The following NBPF20 variants were observed in gnomAD, a reference collection of about 807,000 sequenced individuals.
The protein encoded by NBPF20 is NBPF family member NBPF20.
In NBPF20, 90 loss-of-function variants were observed where a neutral mutation model predicts 68.1. That is an observed-to-expected ratio of 1.32 (90% CI 1.11 to 1.58). NBPF20 has a LOEUF of 1.58. Among genes scored for constraint, NBPF20 ranks in the 40% most tolerant of loss-of-function variants. The probability of loss-of-function intolerance (pLI) is 0.00; values close to 1 mark genes in which losing one functional copy is unlikely to be tolerated. For synonymous variants in NBPF20, 290 were observed against 228.1 expected, an observed-to-expected ratio of 1.27 and a Z score of -2.45; for missense variants, 816 against 601.2, an observed-to-expected ratio of 1.36 and a Z score of -3.74.
chr1:145,410,671 TTTATC>T, the NBPF20 span, among the ~76,000 whole-genome samples: 1 of 149,404 alleles, frequency 6.7e-6, no homozygotes, highest in Non-Finnish European at 1.5e-5. Context: ...CAATGTGCTG[TTTATC>T]TTATCAGACT....
chr1:145,410,902 CGTTT>C, the NBPF20 span, among the ~76,000 whole-genome samples: 103 of 122,216 alleles, frequency 8.4e-4, 1 homozygote, highest in African/African-American at 1.0e-3. Flanking sequence ...CACACACACA[CGTTT>C]GTGTGTGTGT....
In NBPF20 at chr1:145,309,485, C is replaced by A. The variant is rs1242284263; in HGVS notation, c.13938-237G>T. 9.1e-5 allele frequency among the ~76,000 whole-genome samples: 7 copies of A among 76,810 alleles called. 1 individual carries two copies. The highest frequency in any genetic ancestry group is 1.3e-4 in the Admixed American group (1 of 7,544). The allele number at this position is 76,810 out of a possible 152,430, so 50.4% of individuals were successfully genotyped here. On this transcript the variant is annotated intron_variant, in intron 115 of 137. Transcript: ENST00000369373. Reference sequence around the variant, plus strand: ...ACACACACACACACACACACAGACACACACACACACACAGAGAGAGAGAAC... The same window carrying A: ...ACACACACACACACACACACAGACAAACACACACACACAGAGAGAGAGAAC...
At chr1:145,416,026 G>T in the NBPF20 span, among the ~76,000 whole-genome samples, 1 of 150,414 alleles carries the variant, frequency 6.6e-6, no homozygotes, top group African/African-American at 2.4e-5. Flanking sequence ...AGCTATTCAG[G>T]AGGCTGAGGC....
At chr1:145,406,157 G>C (rs587764501), upstream of NBPF20, among the ~76,000 whole-genome samples, 244 of 143,242 alleles carry the variant, frequency 1.7e-3, no homozygotes, top group African/African-American at 6.0e-3. Flanking sequence ...CGATGGTCTC[G>C]ATCTCCTGAC....
At chr1:145,292,638 T>C in intron 136 of NBPF20, 149 bp from the exon 142 acceptor site, 1 of 732,916 alleles carries the variant, frequency 1.4e-6, no homozygotes, top group South Asian at 1.5e-5. Flanking sequence ...GCCTGAAGGC[T>C]GTTCATGATA....
chr1:145,400,698 C>A lies in NBPF20; in HGVS notation c.567-104G>T, dbSNP rs1193527107. ...GACAGGCGGCATTAAGAGAGTGGTCCCAGAAAGCAAAATGGAGGTTCCCAT... is the reference window on the plus strand; with the variant it reads ...GACAGGCGGCATTAAGAGAGTGGTCACAGAAAGCAAAATGGAGGTTCCCAT... On this transcript the variant is annotated intron_variant, in intron 5 of 137. Coordinates refer to ENST00000369373, the Ensembl canonical transcript of NBPF20. 2.9e-4 allele frequency: 437 copies of A among 1,490,382 alleles called. No homozygotes were observed. In the African/African-American group the frequency reaches 5.3e-3, roughly 18 times the overall value. The allele number at this position is 1,490,382 out of a possible 1,614,324, so 92.3% of individuals were successfully genotyped here. A position where few individuals can be genotyped will look rare whatever the true frequency, so the allele number is the denominator to read the frequency against.
chr1:145,309,465 C>CAA, intron 115 of NBPF20, among the ~76,000 whole-genome samples: 1 of 68,814 alleles, frequency 1.5e-5, no homozygotes, highest in Admixed American at 1.5e-4. Flanking sequence ...CACACACACA[C>CAA]ACACACACAC....
At chr1:145,410,802 A>G in the NBPF20 span, among the ~76,000 whole-genome samples, 2 of 80,920 alleles carry the variant, frequency 2.5e-5, no homozygotes, top group Non-Finnish European at 4.9e-5. Flanking sequence ...ATATACGTAT[A>G]TGTATATATA....
chr1:145,406,512 TGGA>T (rs1662797002), upstream of NBPF20, among the ~76,000 whole-genome samples: 9 of 151,868 alleles, frequency 5.9e-5, no homozygotes, highest in Admixed American at 5.2e-4. Context: ...TAGAAAATGT[TGGA>T]CAGAGTTTTG....
At chr1:145,405,633 G>C (rs1199371140), upstream of NBPF20, 3,837 of 596,702 alleles carry the variant, frequency 6.4e-3, 24 homozygotes, top group Non-Finnish European at 7.7e-3. Flanking sequence ...CATTCCAATT[G>C]CCCAGGCTTT....
intron 73 of NBPF20, among the ~76,000 whole-genome samples, chr1:145,342,927 C>T (rs1661633818): frequency 3.4e-5 from 1 of 29,752 alleles, no homozygotes; most frequent in East Asian, 1.7e-3. Context: ...AAAGACTGTG[C>T]TCAATAATTT....
intron 6 of NBPF20, among the ~76,000 whole-genome samples, chr1:145,400,013 A>G (rs1320434036): frequency 1.3e-5 from 2 of 152,234 alleles, no homozygotes; most frequent in African/African-American, 2.4e-5. Context: ...ATTTCCAAAT[A>G]CAAAGGCAAG....
At position 145,400,065 on chromosome 1, in the gene NBPF20, T is replaced by C. The variant is rs1344605632; in HGVS notation, c.775+321A>G. On this transcript the variant is annotated intron_variant, in intron 6 of 137. Transcript: ENST00000369373. ...AACAGGCATAGAAATTCCATGGACA[T>C]TGTTCAGGGACAGAGGACTTAATCA... 2.6e-5 allele frequency among the ~76,000 whole-genome samples: 4 copies of C among 152,158 alleles called. No individual in the cohort carries two copies. In the South Asian group the frequency reaches 8.3e-4, roughly 31 times the overall value.
chr1:145,390,321 C>A lies in NBPF20; in HGVS notation c.1494-205G>T, dbSNP rs1458311631. Among the ~76,000 whole-genome samples the A allele has an allele frequency of 6.2e-5, 4 of 64,316 alleles. 1 individual carries two copies. The East Asian group carries it at 2.1e-3, about 34-fold the overall frequency. 42.2% of individuals were successfully genotyped at this position (64,316 alleles called of 152,430 possible). A position where few individuals can be genotyped will look rare whatever the true frequency, so the allele number is the denominator to read the frequency against. On this transcript the variant is annotated intron_variant, in intron 13 of 137. Coordinates refer to ENST00000369373, the Ensembl canonical transcript of NBPF20. The stretch of plus-strand genomic sequence containing the variant: ...AAAGAGAAAGACAGATAGACACACA[C>A]ACACACACACACACACACACACAGA...
the NBPF20 span, among the ~76,000 whole-genome samples, chr1:145,424,727 G>C: frequency 6.6e-6 from 1 of 152,146 alleles, no homozygotes. Flanking sequence ...CAGACACAGG[G>C]AAATCACAGC....
At chr1:145,408,460 ATTCT>A (rs1210785664), upstream of NBPF20, among the ~76,000 whole-genome samples, 6 of 152,046 alleles carry the variant, frequency 3.9e-5, no homozygotes, top group African/African-American at 1.4e-4. Flanking sequence ...TTGAATCTGT[ATTCT>A]TTCACTTTGA....
At chr1:145,298,345 C>A (rs1485190451) in intron 129 of NBPF20, among the ~76,000 whole-genome samples, 1 of 141,866 alleles carries the variant, frequency 7.0e-6, no homozygotes, top group African/African-American at 3.0e-5. Context: ...CACACACACA[C>A]ACACACACAC....
intron 36 of NBPF20, among the ~76,000 whole-genome samples, chr1:145,372,196 G>A (rs1661751290): frequency 8.4e-6 from 1 of 118,906 alleles, no homozygotes; most frequent in African/African-American, 3.8e-5. Context: ...TTAGAATGAA[G>A]GAGGAAATCT....
intron 7 of NBPF20, among the ~76,000 whole-genome samples, chr1:145,398,394 A>C (rs1444960353): frequency 2.6e-5 from 4 of 151,938 alleles, no homozygotes; most frequent in South Asian, 2.1e-4. Flanking sequence ...ACCACAGTGC[A>C]ATCAAATTAG....
Sources: gnomAD v4.1 joint callset for allele counts (sites outside exome capture counted in the v4.1 genomes callset) on GRCh38, gnomAD v4.1.1 for gene constraint, MANE v1.5 for transcripts, NCBI Gene and HGNC (gene_info 2026-07-23, HGNC 2026-07-21) for gene names.